The following KCTD19 variants were observed in gnomAD, a reference collection of about 807,000 sequenced individuals.
The protein encoded by KCTD19 is BTB/POZ domain-containing protein KCTD19.
In KCTD19, 67 loss-of-function variants were observed where a neutral mutation model predicts 103.5. That is an observed-to-expected ratio of 0.65 (90% CI 0.53 to 0.79). The LOEUF (loss-of-function observed/expected upper bound fraction) is 0.79, where lower values mean the gene tolerates loss of function less well. Ranked by LOEUF, KCTD19 falls within the 30% of genes least tolerant of loss-of-function variation. The pLI is 0.00. For missense variants in KCTD19, 980 were observed against 1,136.1 expected, an observed-to-expected ratio of 0.86 and a Z score of 1.98; for synonymous variants, 439 against 452.2, an observed-to-expected ratio of 0.97 and a Z score of 0.37.
At chr16:67,297,209 G>A (rs1006442253) in intron 7 of KCTD19, among the ~76,000 whole-genome samples, 1 of 152,208 alleles carries the variant, frequency 6.6e-6, no homozygotes, top group Admixed American at 6.5e-5. Context: ...CTGCATGGCT[G>A]TGAGAAGCAC....
chr16:67,299,228 G>A (rs1234681391), intron 6 of KCTD19, 135 bp downstream of exon 6: 2 of 786,224 alleles, frequency 2.5e-6, no homozygotes, highest in Non-Finnish European at 4.2e-6. Context: ...GCTGGTGATG[G>A]TAATGGCTAA....
intron 2 of KCTD19, among the ~76,000 whole-genome samples, chr16:67,314,822 TATATATATAGAGAGAGAGAG>T (rs1407911084): frequency 1.7e-4 from 12 of 70,598 alleles, no homozygotes; most frequent in African/African-American, 6.1e-4. Flanking sequence ...TATATATATA[TATATATATAGAGAGAGAGAG>T]AGAGAGAGAG....
intron 15 of KCTD19, 127 bp from the exon 16 acceptor site, chr16:67,289,809 T>G: frequency 1.6e-6 from 1 of 644,696 alleles, no homozygotes; most frequent in Non-Finnish European, 2.8e-6. Context: ...TTTGATGCTC[T>G]AGGGCCCAGC....
At position 67,291,794 on chromosome 16, in the gene KCTD19, C is replaced by T. The variant is rs2036700172; in HGVS notation, c.2262G>A (p.Val754=). 6.2e-7 allele frequency: 1 copy of T among 1,613,682 alleles called. No homozygotes were observed. Among genetic ancestry groups the T allele is most frequent in the Middle Eastern group, 1.7e-4 (1 of 6,050 alleles). ...CTTTGAGGATAACCCCTAGGCTGTCCACCTCACTGGCCTCGGGCAGAGGCT... is the reference window on the plus strand; with the variant it reads ...CTTTGAGGATAACCCCTAGGCTGTCTACCTCACTGGCCTCGGGCAGAGGCT... ...PEQPLPEASE[V]DSLGVILKVT... Residue 754 remains valine (V), a synonymous_variant, in exon 13 of 16, where the codon GTG becomes GTA. Coordinates refer to ENST00000304372, the MANE Select transcript of KCTD19 (RefSeq NM_001100915.3).
chr16:67,313,151 C>T (rs569340207), intron 2 of KCTD19, among the ~76,000 whole-genome samples: 1 of 152,012 alleles, frequency 6.6e-6, no homozygotes, highest in South Asian at 2.1e-4. Flanking sequence ...CCTCAGTCGC[C>T]CAGGCTGGAG....
chr16:67,320,536 G>T lies in KCTD19; in HGVS notation c.300+53C>A. The T allele has an allele frequency of 1.3e-6, 2 of 1,536,182 alleles. No individual in the cohort carries two copies. The highest frequency in any genetic ancestry group is 1.8e-6 in the Non-Finnish European group (2 of 1,122,980). On this transcript the variant is annotated intron_variant, in intron 2 of 15. Transcript: ENST00000304372. The surrounding 1 kb of genome is among the most constrained non-coding windows in gnomAD (Gnocchi z 4.0). ...TATATAACAGGAAACAATATTTAGT[G>T]ATGTAAAGCCATGTTACTGATCCAC...
Position 67,291,755 on chromosome 16 carries a change from G to T in KCTD19, c.2301C>A (p.Pro767=). The T allele has an allele frequency of 6.2e-7, 1 of 1,612,956 alleles. No individual in the cohort carries two copies. The highest frequency in any genetic ancestry group is 8.5e-7 in the Non-Finnish European group (1 of 1,178,996). Reference sequence around the variant, plus strand: ...TGCAGAAGCCATCGCTGCCCACCACGGGGGGGTGAGTCACTTTGAGGATAA... The same window carrying T: ...TGCAGAAGCCATCGCTGCCCACCACTGGGGGGTGAGTCACTTTGAGGATAA... ...LGVILKVTHP[P]VVGSDGFCMF... Residue 767 remains proline, a synonymous_variant, in exon 13 of 16, where the codon CCC becomes CCA. Coordinates refer to ENST00000304372, the MANE Select transcript of KCTD19 (RefSeq NM_001100915.3).
At chr16:67,302,548 A>T (rs2036844922) in intron 4 of KCTD19, 1 of 156,448 alleles carries the variant, frequency 6.4e-6, no homozygotes, top group Non-Finnish European at 1.4e-5. Flanking sequence ...CATTCAGTTC[A>T]CATCCCAAAC....
At chr16:67,310,805 A>T (rs1184177068) in intron 2 of KCTD19, among the ~76,000 whole-genome samples, 2 of 152,166 alleles carry the variant, frequency 1.3e-5, no homozygotes, top group African/African-American at 4.8e-5. Flanking sequence ...TGTTGGAAAG[A>T]ATGTGATGGT....
intron 5 of KCTD19, 86 bp from the exon 6 acceptor site, chr16:67,299,659 C>A: frequency 2.8e-6 from 3 of 1,076,048 alleles, no homozygotes; most frequent in Non-Finnish European, 4.1e-6. Flanking sequence ...CTACTGCTGC[C>A]TCCATTGTAC....
At chr16:67,291,868 CT>C in intron 12 of KCTD19, 31 bp from the exon 13 acceptor site, 2 of 1,499,418 alleles carry the variant, frequency 1.3e-6, no homozygotes, top group Non-Finnish European at 1.8e-6. Context: ...GGGGGCTCTC[CT>C]TTTAAAAAAA....
chr16:67,291,261 G>C, intron 14 of KCTD19, 48 bp downstream of exon 14: 1 of 1,585,682 alleles, frequency 6.3e-7, no homozygotes, highest in Non-Finnish European at 8.6e-7. Context: ...AGGGGAAGAG[G>C]TGGAGAAGGT....
At chr16:67,290,108 A>C (rs1259091759) in intron 15 of KCTD19, among the ~76,000 whole-genome samples, 2 of 151,866 alleles carry the variant, frequency 1.3e-5, no homozygotes, top group African/African-American at 4.8e-5. Context: ...AGATTAAGGA[A>C]TCAGAAAAGG....
chr16:67,303,485 T>A lies in KCTD19; in HGVS notation c.452-148A>T, dbSNP rs1382433067. On this transcript the variant is annotated intron_variant, in intron 3 of 15. Coordinates refer to ENST00000304372, the MANE Select transcript of KCTD19 (RefSeq NM_001100915.3). The surrounding 1 kb of genome is among the most constrained non-coding windows in gnomAD (Gnocchi z 4.3). ...TGCCACTTGCCAGACACATCTTCCT[T>A]CTTTATCTTTTCAGTTGTAGCCCTA... 1.7e-6 allele frequency: 1 copy of A among 597,540 alleles called. No individual in the cohort carries two copies. The highest frequency in any genetic ancestry group is 2.9e-6 in the Non-Finnish European group (1 of 343,884). The allele number at this position is 597,540 out of a possible 1,614,324, so 37.0% of individuals were successfully genotyped here. A position where few individuals can be genotyped will look rare whatever the true frequency, so the allele number is the denominator to read the frequency against.
At chr16:67,306,908 C>A (rs968202065) in intron 2 of KCTD19, among the ~76,000 whole-genome samples, 8 of 152,152 alleles carry the variant, frequency 5.3e-5, no homozygotes, top group African/African-American at 1.9e-4. Context: ...AAAGTAGGCT[C>A]TGGTATCATC....
chr16:67,303,114 G>A lies in KCTD19; in HGVS notation c.643+32C>T, dbSNP rs1555504810. Reference sequence around the variant, plus strand: ...AGGGGTGAATGGGCCCTATCAGCCCGCCCCCCACCCCACCCCGGACAGAGC... The same window carrying A: ...AGGGGTGAATGGGCCCTATCAGCCCACCCCCCACCCCACCCCGGACAGAGC... On this transcript the variant is annotated intron_variant, in intron 4 of 15. Coordinates refer to ENST00000304372, the MANE Select transcript of KCTD19 (RefSeq NM_001100915.3). The surrounding 1 kb of genome is among the most constrained non-coding windows in gnomAD (Gnocchi z 4.3). The A allele has an allele frequency of 4.6e-6, 5 of 1,097,064 alleles. No homozygotes were observed. In the South Asian group the frequency reaches 4.8e-5, roughly 10 times the overall value. 68.0% of individuals were successfully genotyped at this position (1,097,064 alleles called of 1,614,324 possible). A position where few individuals can be genotyped will look rare whatever the true frequency, so the allele number is the denominator to read the frequency against.
At position 67,304,563 on chromosome 16, in the gene KCTD19, A is replaced by G. The variant is rs774455508; in HGVS notation, c.309T>C (p.Asp103=). The G allele has an allele frequency of 9.9e-6, 16 of 1,613,830 alleles. No individual in the cohort carries two copies. Among genetic ancestry groups the G allele is most frequent in the South Asian group, 8.8e-5 (8 of 91,056 alleles). ...LQLMPLLQTL[D]NLKEGKHHLR... ...GATGGTGTTTCCCTTCCTTCAGGTTATCTAGAGTCTGTTAGATAATGAAGA... is the reference window on the plus strand; with the variant it reads ...GATGGTGTTTCCCTTCCTTCAGGTTGTCTAGAGTCTGTTAGATAATGAAGA... Residue 103 remains aspartate, a synonymous_variant, in exon 3 of 16, where the codon GAT becomes GAC. Coordinates refer to ENST00000304372, the MANE Select transcript of KCTD19 (RefSeq NM_001100915.3).
chr16:67,314,095 G>C (rs1190967592), intron 2 of KCTD19, among the ~76,000 whole-genome samples: 1 of 151,830 alleles, frequency 6.6e-6, no homozygotes, highest in Non-Finnish European at 1.5e-5. Context: ...GGCCTCAGGT[G>C]ATCTTCCCAC....
chr16:67,304,594 AT>A, intron 2 of KCTD19, 23 bp from the exon 3 acceptor site: 1 of 1,600,100 alleles, frequency 6.2e-7, no homozygotes, highest in Non-Finnish European at 8.6e-7. Context: ...GAAGAGTACT[AT>A]CTTGAGAATC....
Sources: allele counts gnomAD v4.1 joint callset (sites outside exome capture counted in the v4.1 genomes callset), GRCh38; gene constraint gnomAD v4.1.1; non-coding constraint Gnocchi (gnomAD v3.1); transcripts MANE v1.5; gene names NCBI Gene and HGNC (gene_info 2026-07-23, HGNC 2026-07-21).